Variants in ZFPM2 observed in about 807,000 individuals in gnomAD.
The protein encoded by ZFPM2 is zinc finger protein, FOG family member 2.
In ZFPM2, 20 loss-of-function variants were observed where a neutral mutation model predicts 98.6. That is an observed-to-expected ratio of 0.20 (90% CI 0.14 to 0.29). ZFPM2 has a LOEUF of 0.29. ZFPM2 is among the 10% of genes least tolerant of loss of function. ZFPM2 has a pLI of 1.00. For missense variants in ZFPM2, 1,310 were observed against 1,388.6 expected, an observed-to-expected ratio of 0.94 and a Z score of 0.90; for synonymous variants, 518 against 502.7, an observed-to-expected ratio of 1.03 and a Z score of -0.41.
intron 5 of ZFPM2, among the ~76,000 whole-genome samples, chr8:105,756,803 A>C (rs963654219): frequency 2.0e-5 from 3 of 152,102 alleles, no homozygotes; most frequent in African/African-American, 4.8e-5. Context: ...GCAGTATTGC[A>C]AAAAGAGATG....
intron 5 of ZFPM2, among the ~76,000 whole-genome samples, chr8:105,699,611 C>A (rs913484618): frequency 6.6e-6 from 1 of 152,016 alleles, no homozygotes; most frequent in Non-Finnish European, 1.5e-5. Flanking sequence ...TCATATAACA[C>A]CTCTCAAAAG....
At chr8:105,551,037 T>A (rs1814840268) in intron 3 of ZFPM2, among the ~76,000 whole-genome samples, 1 of 152,210 alleles carries the variant, frequency 6.6e-6, no homozygotes, top group African/African-American at 2.4e-5. Flanking sequence ...TTGGAGGTAT[T>A]TTCTGAAATG....
intron 5 of ZFPM2, among the ~76,000 whole-genome samples, chr8:105,671,600 C>T (rs966084899): frequency 6.6e-6 from 1 of 151,930 alleles, no homozygotes; most frequent in African/African-American, 2.4e-5. Context: ...GATGTAGTTG[C>T]TTCCTGTAAA....
At chr8:105,651,390 C>G (rs1423257326) in intron 5 of ZFPM2, among the ~76,000 whole-genome samples, 2 of 151,470 alleles carry the variant, frequency 1.3e-5, no homozygotes, top group African/African-American at 4.9e-5. Flanking sequence ...ATTGCTTGAA[C>G]CTGGAAGTTG....
At chr8:105,731,388 A>G (rs921415485) in intron 5 of ZFPM2, among the ~76,000 whole-genome samples, 21 of 151,736 alleles carry the variant, frequency 1.4e-4, no homozygotes, top group Middle Eastern at 6.8e-3. Context: ...TTGAAAATCA[A>G]CGAGAAGGAA....
At chr8:105,630,460 C>T (rs553596122) in intron 4 of ZFPM2, among the ~76,000 whole-genome samples, 1 of 152,196 alleles carries the variant, frequency 6.6e-6, no homozygotes, top group East Asian at 1.9e-4. Flanking sequence ...GATTTTTTAT[C>T]TACTTATTAT....
intron 3 of ZFPM2, among the ~76,000 whole-genome samples, chr8:105,523,438 C>T (rs1458165508): frequency 6.6e-6 from 1 of 152,198 alleles, no homozygotes; most frequent in African/African-American, 2.4e-5. Context: ...AGCCACACTG[C>T]TCGCCCTGCT....
intron 3 of ZFPM2, among the ~76,000 whole-genome samples, chr8:105,553,167 C>G (rs1814903603): frequency 6.6e-6 from 1 of 151,998 alleles, no homozygotes; most frequent in African/African-American, 2.4e-5. Flanking sequence ...AATAATATTA[C>G]TGCCTACCCA....
intron 4 of ZFPM2, among the ~76,000 whole-genome samples, chr8:105,604,506 A>C (rs1459665982): frequency 1.3e-5 from 2 of 151,678 alleles, no homozygotes; most frequent in Non-Finnish European, 2.9e-5. Flanking sequence ...AAAATCCGAA[A>C]CCTTTTCCGT....
At position 105,803,704 on chromosome 8, in the gene ZFPM2, G is replaced by T; in HGVS notation, c.*166G>T. ...AATTTCATTACAGTCCATTAGTAAA[G>T]TGTATTATTGGTGCCATTTTCAAAA... is the stretch of plus-strand genomic sequence containing the variant. On this transcript the variant is annotated 3_prime_UTR_variant, in exon 8 of 8. Coordinates refer to ENST00000407775, the MANE Select transcript of ZFPM2 (RefSeq NM_012082.4). The T allele has an allele frequency of 1.6e-6, 1 of 637,080 alleles. No individual in the cohort carries two copies. The highest frequency in any genetic ancestry group is 2.6e-6 in the Non-Finnish European group (1 of 380,526). The allele number at this position is 637,080 out of a possible 1,614,324, so 39.5% of individuals were successfully genotyped here.
At chr8:105,476,853 G>A (rs1361791838) in intron 3 of ZFPM2, among the ~76,000 whole-genome samples, 1 of 151,816 alleles carries the variant, frequency 6.6e-6, no homozygotes, top group Non-Finnish European at 1.5e-5. Context: ...TTGGGGGTGG[G>A]GGTAGTCAAT....
At chr8:105,468,607 TA>T (rs144912191) in intron 3 of ZFPM2, among the ~76,000 whole-genome samples, 55 of 152,230 alleles carry the variant, frequency 3.6e-4, no homozygotes, top group African/African-American at 1.3e-3. Context: ...TGATCTGGCT[TA>T]TCGTTGCTTT....
intron 4 of ZFPM2, among the ~76,000 whole-genome samples, chr8:105,576,372 T>A (rs1815468717): frequency 1.3e-5 from 2 of 152,116 alleles, no homozygotes. Context: ...GATGAGTGAA[T>A]GATAGGGAAA....
intron 3 of ZFPM2, among the ~76,000 whole-genome samples, chr8:105,527,869 G>A (rs191274665): frequency 6.9e-4 from 105 of 152,256 alleles, no homozygotes; most frequent in Non-Finnish European, 1.1e-3. Context: ...GTCTTTATAC[G>A]ATGTTAGAAC....
intron 1 of ZFPM2, among the ~76,000 whole-genome samples, chr8:105,395,634 G>C (rs1472749194): frequency 2.0e-5 from 3 of 152,184 alleles, no homozygotes; most frequent in East Asian, 1.9e-4. Flanking sequence ...CCATACAATG[G>C]TTTTATATAA....
chr8:105,351,781 C>A (rs1475493899), intron 1 of ZFPM2, among the ~76,000 whole-genome samples: 2 of 150,646 alleles, frequency 1.3e-5, no homozygotes, highest in African/African-American at 4.9e-5. Flanking sequence ...TTTTAATATT[C>A]AAATTCATTG....
chr8:105,584,448 A>G (rs1815669771), intron 4 of ZFPM2, among the ~76,000 whole-genome samples: 1 of 152,162 alleles, frequency 6.6e-6, no homozygotes, highest in Non-Finnish European at 1.5e-5. Flanking sequence ...TAGGGGGTTT[A>G]GGCCTGTGTA....
intron 2 of ZFPM2, among the ~76,000 whole-genome samples, chr8:105,429,871 A>G (rs1288899170): frequency 6.6e-6 from 1 of 152,174 alleles, no homozygotes; most frequent in Non-Finnish European, 1.5e-5. Context: ...TGTAGTATGC[A>G]TCTTATTTTC....
At chr8:105,656,318 T>C (rs1330504699) in intron 5 of ZFPM2, among the ~76,000 whole-genome samples, 6 of 152,260 alleles carry the variant, frequency 3.9e-5, no homozygotes, top group Non-Finnish European at 8.8e-5. Flanking sequence ...TGAAAAATTA[T>C]TTAGGTTTTT....
Sources: allele counts gnomAD v4.1 joint callset (sites outside exome capture counted in the v4.1 genomes callset), GRCh38; gene constraint gnomAD v4.1.1; transcripts MANE v1.5; gene names NCBI Gene and HGNC (gene_info 2026-07-23, HGNC 2026-07-21).